The following PPP4R2 variants were observed in gnomAD, a reference collection of about 807,000 sequenced individuals.
PPP4R2 encodes protein phosphatase 4 regulatory subunit 2, also known as serine/threonine-protein phosphatase 4 regulatory subunit 2.
Under a neutral mutation model 47.2 loss-of-function variants are expected in PPP4R2, and 13 were observed. The observed-to-expected ratio is 0.28, with a 90% CI of 0.18 to 0.44. The LOEUF is 0.44. Ranked by LOEUF, PPP4R2 falls within the 20% of genes least tolerant of loss-of-function variation. The probability of loss-of-function intolerance (pLI) is 1.00; values close to 1 mark genes in which losing one functional copy is unlikely to be tolerated. For missense variants in PPP4R2, 421 were observed against 491.2 expected, an observed-to-expected ratio of 0.86 and a Z score of 1.35; for synonymous variants, 151 against 163.3, an observed-to-expected ratio of 0.92 and a Z score of 0.57.
intron 2 of PPP4R2, among the ~76,000 whole-genome samples, chr3:73,006,715 G>C (rs568935347): frequency 5.9e-5 from 9 of 152,180 alleles, no homozygotes; most frequent in African/African-American, 1.7e-4. Flanking sequence ...GACCTGCTTC[G>C]TCTTTTCGAA....
intron 2 of PPP4R2, among the ~76,000 whole-genome samples, chr3:73,036,481 A>T (rs750253436): frequency 1.3e-5 from 2 of 152,230 alleles, no homozygotes; most frequent in Admixed American, 6.5e-5. Flanking sequence ...ATGTATGAAA[A>T]GTATCACATG....
chr3:72,998,465 A>G (rs1242521034), intron 2 of PPP4R2, among the ~76,000 whole-genome samples: 1 of 151,752 alleles, frequency 6.6e-6, no homozygotes, highest in African/African-American at 2.4e-5. Flanking sequence ...TTCCATTATG[A>G]CCCTTTTTGG....
intron 4 of PPP4R2, among the ~76,000 whole-genome samples, chr3:73,060,425 C>T (rs1176065691): frequency 3.9e-5 from 6 of 152,112 alleles, no homozygotes; most frequent in African/African-American, 1.2e-4. Flanking sequence ...AGTTGTGTGA[C>T]CTTGGGCCAG....
chr3:73,054,462 T>C (rs189874311), intron 3 of PPP4R2, among the ~76,000 whole-genome samples: 178 of 152,374 alleles, frequency 1.2e-3, no homozygotes, highest in African/African-American at 3.9e-3. Context: ...ACTTAGTCTT[T>C]GGTAACAGAG....
intron 2 of PPP4R2, among the ~76,000 whole-genome samples, chr3:73,031,266 G>A (rs966365127): frequency 5.3e-5 from 8 of 152,068 alleles, no homozygotes; most frequent in South Asian, 2.1e-4. Flanking sequence ...ATGGCTGGGC[G>A]CGGTGGTTCA....
intron 4 of PPP4R2, among the ~76,000 whole-genome samples, chr3:73,059,812 G>T (rs1246973964): frequency 6.6e-6 from 1 of 151,908 alleles, no homozygotes; most frequent in African/African-American, 2.4e-5. Flanking sequence ...GTGCACGCCT[G>T]TAATCCTAGC....
intron 2 of PPP4R2, among the ~76,000 whole-genome samples, chr3:73,021,232 AATT>A (rs1160212876): frequency 1.9e-4 from 22 of 114,754 alleles, no homozygotes; most frequent in African/African-American, 5.4e-4. Flanking sequence ...ATTAAAAAAA[AATT>A]TTTTTTTTTT....
intron 2 of PPP4R2, among the ~76,000 whole-genome samples, chr3:73,037,869 A>G (rs1702297430): frequency 6.6e-6 from 1 of 152,134 alleles, no homozygotes; most frequent in Non-Finnish European, 1.5e-5. Context: ...TAATATCTGT[A>G]AGTCTGGTTT....
chr3:73,065,429 G>T lies in PPP4R2; in HGVS notation c.961G>T (p.Glu321Ter). 6.2e-7 allele frequency: 1 copy of T among 1,604,150 alleles called. No individual in the cohort carries two copies. Among genetic ancestry groups the T allele is most frequent in the Non-Finnish European group, 8.5e-7 (1 of 1,176,064 alleles). The change falls in exon 9 of 9, where the codon GAA becomes TAA. Residue 321 changes from glutamate to a stop codon, truncating the protein, a stop_gained. Coordinates refer to ENST00000356692, the MANE Select transcript of PPP4R2 (RefSeq NM_174907.4). LOFTEE classifies it high-confidence loss of function. ...SFMTSREMIPERKNQEKESDD... is the reference protein window; with the variant it reads ...SFMTSREMIP ...TATGACATCAAGAGAAATGATCCCA[G>T]AAAGAAAAAATCAAGAAAAAGAATC...
At chr3:73,004,944 CGTG>C (rs1701570250) in intron 2 of PPP4R2, among the ~76,000 whole-genome samples, 1 of 116,950 alleles carries the variant, frequency 8.6e-6, no homozygotes, top group Admixed American at 8.8e-5. Flanking sequence ...GAGTCGGAGT[CGTG>C]TGTGTGTGTG....
chr3:72,997,442 G>T, intron 1 of PPP4R2: 9 of 178,830 alleles, frequency 5.0e-5, no homozygotes, highest in East Asian at 1.3e-4. Context: ...GGGAGAAAAA[G>T]TAAACGGTTG....
chr3:73,039,394 A>G (rs1702331603), intron 2 of PPP4R2, among the ~76,000 whole-genome samples: 1 of 152,220 alleles, frequency 6.6e-6, no homozygotes, highest in African/African-American at 2.4e-5. Flanking sequence ...AAGTGCAGGG[A>G]TTACAGGTGT....
At chr3:73,012,817 A>C (rs1701751373) in intron 2 of PPP4R2, among the ~76,000 whole-genome samples, 1 of 151,410 alleles carries the variant, frequency 6.6e-6, no homozygotes, top group Non-Finnish European at 1.5e-5. Flanking sequence ...TGTTAACTGG[A>C]GACTGGTCCA....
intron 2 of PPP4R2, among the ~76,000 whole-genome samples, chr3:73,003,840 A>T (rs952240188): frequency 1.3e-5 from 2 of 151,986 alleles, no homozygotes; most frequent in African/African-American, 2.4e-5. Context: ...CTGGGATTAC[A>T]GGTGCATGCC....
At position 73,068,834 on chromosome 3, in the gene PPP4R2, A is replaced by G. The variant is rs889692340; in HGVS notation, c.*3112A>G. 1 of 152,352 alleles carries G rather than the reference A, an allele frequency of 6.6e-6. No individual in the cohort carries two copies. Among genetic ancestry groups the G allele is most frequent in the African/African-American group, 2.4e-5 (1 of 41,584 alleles). The allele number at this position is 152,352 out of a possible 1,614,324, so 9.4% of individuals were successfully genotyped here. A position where few individuals can be genotyped will look rare whatever the true frequency, so the allele number is the denominator to read the frequency against. On this transcript the variant is annotated 3_prime_UTR_variant, in exon 9 of 9. Coordinates refer to ENST00000356692, the MANE Select transcript of PPP4R2 (RefSeq NM_174907.4). ...GATTATGAAAAAAATGTAACATGGT[A>G]AGGATGAAAATGCAACTTACAAAAC...
Position 73,056,300 on chromosome 3 carries a change from G to A in PPP4R2, c.288-2737G>A, listed in dbSNP as rs1159490987. On this transcript the variant is annotated intron_variant, in intron 3 of 8. Coordinates refer to ENST00000356692, the MANE Select transcript of PPP4R2 (RefSeq NM_174907.4). ...CTGTCTCCATGGCACTTTTTATACAGTGTTGTTATTTATTACTGTAATTGT... is the reference window on the plus strand; with the variant it reads ...CTGTCTCCATGGCACTTTTTATACAATGTTGTTATTTATTACTGTAATTGT... Among the ~76,000 whole-genome samples, 3 of 152,034 alleles carry A rather than the reference G, an allele frequency of 2.0e-5. No individual in the cohort carries two copies. In the East Asian group the frequency reaches 5.8e-4, roughly 29 times the overall value.
chr3:73,048,509 C>T (rs1160552826), intron 3 of PPP4R2, among the ~76,000 whole-genome samples: 2 of 152,226 alleles, frequency 1.3e-5, no homozygotes, highest in East Asian at 1.9e-4. Context: ...CCACCTCAGC[C>T]TCCCACAGTG....
intron 2 of PPP4R2, among the ~76,000 whole-genome samples, chr3:73,035,684 G>A (rs1575865290): frequency 6.6e-6 from 1 of 151,960 alleles, no homozygotes; most frequent in African/African-American, 2.4e-5. Flanking sequence ...GAGTGCAGTG[G>A]CACAATCTCG....
At chr3:73,026,513 G>C (rs531425119) in intron 2 of PPP4R2, among the ~76,000 whole-genome samples, 2 of 152,152 alleles carry the variant, frequency 1.3e-5, no homozygotes, top group East Asian at 3.9e-4. Context: ...TGAGTTCCCT[G>C]AGGACAACTA....
Sources: gnomAD v4.1 joint callset for allele counts (sites outside exome capture counted in the v4.1 genomes callset) on GRCh38, gnomAD v4.1.1 for gene constraint, MANE v1.5 for transcripts, NCBI Gene and HGNC (gene_info 2026-07-23, HGNC 2026-07-21) for gene names.